The following KDR variants were observed in gnomAD, a reference collection of about 807,000 sequenced individuals.
KDR encodes the protein vascular endothelial growth factor receptor 2.
A neutral mutation model predicts 160.9 loss-of-function variants in KDR; 43 were observed. The observed-to-expected ratio is 0.27, with a 90% CI of 0.21 to 0.34. KDR has a LOEUF of 0.34. KDR is among the 10% of genes least tolerant of loss of function. The pLI is 1.00. For missense variants in KDR, 1,469 were observed against 1,666.4 expected (o/e 0.88, Z 2.06); for synonymous variants, 617 against 600.1 (o/e 1.03, Z -0.41).
intron 22 of KDR, 133 bp from the exon 23 acceptor site, chr4:55,090,211 T>C (rs1387752592): frequency 2.1e-6 from 2 of 973,122 alleles, no homozygotes; most frequent in Admixed American, 3.9e-5. Flanking sequence ...TTAGTATCTT[T>C]TATCAACACT....
chr4:55,103,916 G>A (rs75146960), intron 13 of KDR, among the ~76,000 whole-genome samples: 1 of 152,166 alleles, frequency 6.6e-6, no homozygotes, highest in African/African-American at 2.4e-5. Flanking sequence ...TGGCTGCCCA[G>A]CTTTTGCACA....
chr4:55,120,919 G>A (rs547812362), intron 2 of KDR, among the ~76,000 whole-genome samples, 178 bp downstream of exon 2: 1 of 151,988 alleles, frequency 6.6e-6, no homozygotes, highest in African/African-American at 2.4e-5. Context: ...AAATTGTACA[G>A]AATTTTTGAG....
chr4:55,095,502 A>G (rs1265565643), intron 20 of KDR, 75 bp downstream of exon 20: 1 of 1,136,800 alleles, frequency 8.8e-7, no homozygotes, highest in African/African-American at 1.5e-5. Context: ...ATTTCAACTA[A>G]AAAACTAACC....
At chr4:55,082,465 G>T in intron 28 of KDR, 71 bp downstream of exon 28, 1 of 1,182,576 alleles carries the variant, frequency 8.5e-7, no homozygotes, top group Non-Finnish European at 1.3e-6. Context: ...TAATGCTTAG[G>T]CTAATATTTA....
chr4:55,096,768 TC>T (rs1272340337), intron 18 of KDR: 3 of 271,616 alleles, frequency 1.1e-5, no homozygotes, highest in African/African-American at 6.6e-5. Context: ...TACCGAATGT[TC>T]CAGCCAATCT....
At chr4:55,096,369 T>A in intron 18 of KDR, 27 bp from the exon 19 acceptor site, 3 of 1,508,520 alleles carry the variant, frequency 2.0e-6, no homozygotes, top group Non-Finnish European at 2.8e-6. Context: ...AAGAGGGAAA[T>A]CATAGGTATG....
Position 55,089,482 on chromosome 4 carries a change from A to T in KDR, c.3305-9T>A. On this transcript the variant is annotated splice_polypyrimidine_tract_variant and intron_variant, in intron 24 of 29. Coordinates refer to ENST00000263923, the MANE Select transcript of KDR (RefSeq NM_002253.4). ...AGGATATGGAGAAGCACCTAGAATA[A>T]AACAGGGAGGAGACATTCTTTGATT... 6.3e-7 allele frequency: 1 copy of T among 1,592,114 alleles called. No individual in the cohort carries two copies. Among genetic ancestry groups the T allele is most frequent in the South Asian group, 1.1e-5 (1 of 90,546 alleles).
At chr4:55,095,928 C>CT (rs1720140508) in intron 19 of KDR, among the ~76,000 whole-genome samples, 1 of 152,074 alleles carries the variant, frequency 6.6e-6, no homozygotes, top group African/African-American at 2.4e-5. Context: ...GATATGATTC[C>CT]ATTTTGGGGG....
chr4:55,100,552 G>A (rs141018867), intron 15 of KDR, among the ~76,000 whole-genome samples: 22 of 152,258 alleles, frequency 1.4e-4, no homozygotes, highest in Admixed American at 2.6e-4. Flanking sequence ...CCAACAAGAG[G>A]TAATGCAGAG....
chr4:55,083,018 TC>T (rs1719776561), intron 27 of KDR, among the ~76,000 whole-genome samples: 2 of 152,152 alleles, frequency 1.3e-5, no homozygotes, highest in African/African-American at 4.8e-5. Context: ...TCTGGCCATC[TC>T]CTGGGAAAGT....
Position 55,104,970 on chromosome 4 carries a change from T to C in KDR, c.1660A>G (p.Thr554Ala), listed in dbSNP as rs769046578. The change falls in exon 13 of 30, where the codon ACT (threonine) becomes GCT (alanine). Residue 554 changes from threonine (T) to alanine (A), a missense_variant. Transcript: ENST00000263923. ...GTGGGCTGCATGTCAGGTTGCAAAG[T>C]AATTTCAGGACCCCCTAAAATGAAG... ...SFHVTRGPEI[T>A]LQPDMQPTEQ... 1 of 1,613,692 alleles carries C rather than the reference T, an allele frequency of 6.2e-7. No homozygotes were observed. The highest frequency in any genetic ancestry group is 8.5e-7 in the Non-Finnish European group (1 of 1,179,772).
rs17085310 is a variant in KDR, at chr4:55,104,615, G to A, written c.1987+28C>T. On this transcript the variant is annotated intron_variant, in intron 13 of 29. Transcript: ENST00000263923. The stretch of plus-strand genomic sequence containing the variant: ...CATTTAAGGCATTCCAACTGCCTCT[G>A]CACAATGATCCAGAATTGTCTCCCT... 0.011 allele frequency: 17,747 copies of A among 1,580,432 alleles called. 709 individuals are homozygous for A. The highest frequency in any genetic ancestry group is 0.095 in the Admixed American group (5,664 of 59,480).
At chr4:55,086,882 G>A (rs1482069196) in intron 27 of KDR, among the ~76,000 whole-genome samples, 9 of 152,158 alleles carry the variant, frequency 5.9e-5, no homozygotes, top group African/African-American at 9.7e-5. Flanking sequence ...ACACCCAAAC[G>A]GGTTAGGAAA....
intron 26 of KDR, 30 bp downstream of exon 26, chr4:55,088,838 G>T (rs1258401031): frequency 2.0e-6 from 3 of 1,466,536 alleles, no homozygotes; most frequent in Non-Finnish European, 2.9e-6. Flanking sequence ...AGTACTCTTT[G>T]TAGGTGCTTC....
Position 55,107,754 on chromosome 4 carries a change from C to A in KDR, c.1395G>T (p.Glu465Asp). Residue 465 changes from glutamate (E) to aspartate (D), a missense_variant, in exon 10 of 30, where the codon GAG becomes GAT. By Grantham distance (45) the Glu-to-Asp change is conservative. Coordinates refer to ENST00000263923, the MANE Select transcript of KDR (RefSeq NM_002253.4). ...TTACTCACCTGGGCTCGTTGGCGCA[C>A]TCTTCCTCCAACTGCCAATACCAGT... is the stretch of plus-strand genomic sequence containing the variant. The part of the protein sequence containing the change: ...HIHWYWQLEE[E>D]CANEPSQAVS... 1 of 1,613,924 alleles carries A rather than the reference C, an allele frequency of 6.2e-7. No homozygotes were observed. Among genetic ancestry groups the A allele is most frequent in the Non-Finnish European group, 8.5e-7 (1 of 1,179,868 alleles).
intron 29 of KDR, among the ~76,000 whole-genome samples, chr4:55,080,468 C>T (rs542579917): frequency 6.6e-6 from 1 of 152,284 alleles, no homozygotes; most frequent in Non-Finnish European, 1.5e-5. Context: ...ATGTTTATGG[C>T]CTCGCAGATT....
intron 2 of KDR, among the ~76,000 whole-genome samples, chr4:55,119,345 T>G (rs1578140621): frequency 6.6e-6 from 1 of 152,348 alleles, no homozygotes; most frequent in East Asian, 1.9e-4. Flanking sequence ...AACAAATATC[T>G]ATTAAGCATC....
rs1721007545 is a variant in KDR at position 55,125,406 on chromosome 4, G to C, written c.-113C>G. ...GAACTCGCGGCACCCCGCAGCGCAG[G>C]ACAGTTGAGCGCACAGGGCTAGGGA... On this transcript the variant is annotated 5_prime_UTR_variant, in exon 1 of 30. Coordinates refer to ENST00000263923, the MANE Select transcript of KDR (RefSeq NM_002253.4). 2.9e-6 allele frequency: 4 copies of C among 1,359,106 alleles called. No individual in the cohort carries two copies. The Admixed American group carries it at 7.9e-5, about 27-fold the overall frequency. The allele number at this position is 1,359,106 out of a possible 1,614,324, so 84.2% of individuals were successfully genotyped here.
rs2110009205 is a variant in KDR, at chr4:55,087,624, G to A, written c.3645C>T (p.Asp1215=). Residue 1215 remains aspartate, a synonymous_variant, in exon 27 of 30, where the codon GAC becomes GAT. Coordinates refer to ENST00000263923, the MANE Select transcript of KDR (RefSeq NM_002253.4). The part of the protein sequence containing the change: ...EEVCDPKFHY[D]NTAGISQYLQ... ...TACAGTACCTGATTCCTGCTGTGTT[G>A]TCATAATGGAATTTGGGGTCACATA... 1.2e-6 allele frequency: 2 copies of A among 1,614,168 alleles called. No homozygotes were observed. Among genetic ancestry groups the A allele is most frequent in the Non-Finnish European group, 1.7e-6 (2 of 1,180,010 alleles).
Sources: allele counts gnomAD v4.1 joint callset (sites outside exome capture counted in the v4.1 genomes callset), GRCh38; gene constraint gnomAD v4.1.1; transcripts MANE v1.5; gene names NCBI Gene and HGNC (gene_info 2026-07-23, HGNC 2026-07-21).